ACACB: variants seen among roughly 807,000 people sequenced by gnomAD.
ACACB encodes the protein acetyl-CoA carboxylase 2.
Under a neutral mutation model 278.8 loss-of-function variants are expected in ACACB, and 209 were observed. The observed-to-expected ratio is 0.75, with a 90% CI of 0.67 to 0.84. ACACB has a LOEUF of 0.84. Ranked by LOEUF, ACACB falls within the 40% of genes least tolerant of loss-of-function variation. The pLI is 0.00. For synonymous variants in ACACB, 1,174 were observed against 1,285.6 expected (o/e 0.91, Z 1.86); for missense variants, 2,850 against 3,269.0 (o/e 0.87, Z 3.13).
chr12:109,262,275 C>T (rs554044953), intron 48 of ACACB, 82 bp from the exon 49 acceptor site: 22 of 1,123,516 alleles, frequency 2.0e-5, no homozygotes, highest in Non-Finnish European at 2.8e-5. Context: ...GCTCTCTTCC[C>T]TCCAGCTCCC....
chr12:109,170,841 T>C (rs148418567), intron 4 of ACACB, among the ~76,000 whole-genome samples: 81 of 152,032 alleles, frequency 5.3e-4, no homozygotes, highest in Admixed American at 9.8e-4. Context: ...TTTTTGTTTG[T>C]TTGTTTGTTT....
rs781428706 is a variant in ACACB at position 109,216,863 on chromosome 12, C to G, written c.3507C>G (p.Asp1169Glu). The G allele has an allele frequency of 6.2e-7, 1 of 1,614,008 alleles. No homozygotes were observed. Among genetic ancestry groups the G allele is most frequent in the African/African-American group, 1.3e-5 (1 of 74,926 alleles). The change falls in exon 24 of 53, where the codon GAC (aspartate) becomes GAG (glutamate). Residue 1169 changes from aspartate (D) to glutamate (E), a missense_variant. By Grantham distance (45) the Asp-to-Glu change is conservative (BLOSUM62 2). Transcript: ENST00000338432. ...QFKPDMSQVL[D>E]CIFSHAQVAK... is the part of the protein sequence containing the mutation. ...AGCCAGACATGTCCCAGGTGCTGGA[C>G]TGCATCTTCTCCCACGCACAGGTGG...
rs2044888427 is a variant in ACACB, at chr12:109,191,666, C to T, written c.2198C>T (p.Thr733Ile). 6.2e-7 allele frequency: 1 copy of T among 1,614,170 alleles called. No individual in the cohort carries two copies. Among genetic ancestry groups the T allele is most frequent in the East Asian group, 2.2e-5 (1 of 44,892 alleles). Reference sequence around the variant, plus strand: ...TCCATCCGAGGCGACTTTAGGACTACCGTGGAATACCTCATTAACCTCCTG... The same window carrying T: ...TCCATCCGAGGCGACTTTAGGACTATCGTGGAATACCTCATTAACCTCCTG... ...ELSIRGDFRT[T>I]VEYLINLLET... Residue 733 changes from threonine to isoleucine, a missense_variant, in exon 14 of 53, where the codon ACC becomes ATC. Thr to Ile is a moderately conservative substitution (Grantham distance 89). This residue lies in a region of ACACB where 2,265 missense variants were observed against 2,561.3 expected (regional missense o/e 0.88). Transcript: ENST00000338432.
intron 7 of ACACB, 51 bp from the exon 8 acceptor site, chr12:109,175,880 G>A: frequency 2.6e-6 from 4 of 1,534,354 alleles, no homozygotes; most frequent in Admixed American, 1.7e-5. Flanking sequence ...TCTGGGTTGT[G>A]TGTGTTTCTC....
intron 24 of ACACB, among the ~76,000 whole-genome samples, chr12:109,220,116 G>A (rs1475398427): frequency 6.6e-6 from 1 of 152,158 alleles, no homozygotes; most frequent in African/African-American, 2.4e-5. Flanking sequence ...GAAATATCAT[G>A]TACACCAGAG....
intron 1 of ACACB, among the ~76,000 whole-genome samples, chr12:109,127,963 G>A (rs1034671709): frequency 3.3e-5 from 5 of 152,128 alleles, no homozygotes; most frequent in African/African-American, 1.2e-4. Flanking sequence ...TAGGAACTTT[G>A]GCAGAGTCCC....
rs116147843 is a variant in ACACB at position 109,212,668 on chromosome 12, T to C, written c.3250-168T>C. Among the ~76,000 whole-genome samples, 422 of 152,298 alleles carry C rather than the reference T, an allele frequency of 2.8e-3. 3 individuals are homozygous for C. The highest frequency in any genetic ancestry group is 9.7e-3 in the African/African-American group (403 of 41,548). ...AATGGGGAGGGGCTGTAAATACAGA[T>C]GAAGCTTCGCTCCCTCACCCACTGC... On this transcript the variant is annotated intron_variant, in intron 21 of 52. Transcript: ENST00000338432.
At chr12:109,114,856 T>TAAAAC (rs894721682), upstream of ACACB, among the ~76,000 whole-genome samples, 36 of 152,142 alleles carry the variant, frequency 2.4e-4, no homozygotes, top group African/African-American at 8.0e-4. Context: ...ATCCTATTTC[T>TAAAAC]AAAACAAAAC....
Position 109,191,697 on chromosome 12 carries a change from C to G in ACACB, c.2229C>G (p.Thr743=). Residue 743 remains threonine (T), a synonymous_variant, in exon 14 of 53, where the codon ACC becomes ACG. Coordinates refer to ENST00000338432, the MANE Select transcript of ACACB (RefSeq NM_001093.4). Reference sequence around the variant, plus strand: ...AATACCTCATTAACCTCCTGGAGACCGAGAGCTTCCAGAACAACGACATCG... The same window carrying G: ...AATACCTCATTAACCTCCTGGAGACGGAGAGCTTCCAGAACAACGACATCG... ...TVEYLINLLE[T]ESFQNNDIDT... is the part of the protein sequence containing the mutation. The G allele has an allele frequency of 5.0e-6, 8 of 1,614,192 alleles. No individual in the cohort carries two copies. The highest frequency in any genetic ancestry group is 6.8e-6 in the Non-Finnish European group (8 of 1,180,036).
intron 13 of ACACB, among the ~76,000 whole-genome samples, 169 bp downstream of exon 13, chr12:109,188,331 C>T (rs185906137): frequency 5.9e-4 from 87 of 148,704 alleles, no homozygotes; most frequent in Non-Finnish European, 1.2e-3. Context: ...TCCTTCCCTT[C>T]CATTGCCTTC....
chr12:109,237,243 G>C lies in ACACB; in HGVS notation c.4525G>C (p.Asp1509His). 6.2e-7 allele frequency: 1 copy of C among 1,614,170 alleles called. No individual in the cohort carries two copies. Among genetic ancestry groups the C allele is most frequent in the Non-Finnish European group, 8.5e-7 (1 of 1,180,026 alleles). ...GGAACTTAACCGGATGCGTAACTTC[G>C]ATCTGACCGCCGTGCCCTGTGCCAA... Reference protein sequence around the residue: ...QLELNRMRNFDLTAVPCANHK... With the variant: ...QLELNRMRNFHLTAVPCANHK... The change falls in exon 34 of 53, where the codon GAT becomes CAT. Residue 1509 changes from aspartate (D) to histidine (H), a missense_variant. Transcript: ENST00000338432.
intron 1 of ACACB, among the ~76,000 whole-genome samples, chr12:109,136,866 C>A (rs915547308): frequency 6.6e-6 from 1 of 152,174 alleles, no homozygotes; most frequent in Admixed American, 6.5e-5. Context: ...ATTGGTTTGT[C>A]TAGAACTTCC....
chr12:109,197,565 G>A (rs61934315), intron 17 of ACACB, among the ~76,000 whole-genome samples: 2 of 152,172 alleles, frequency 1.3e-5, no homozygotes, highest in Non-Finnish European at 2.9e-5. Flanking sequence ...GGTGTGACTC[G>A]TGGAGCTTCC....
Position 109,131,872 on chromosome 12 carries a change from G to A in ACACB, c.-9-7525G>A, listed in dbSNP as rs942845398. On this transcript the variant is annotated intron_variant, in intron 1 of 52. Coordinates refer to ENST00000338432, the MANE Select transcript of ACACB (RefSeq NM_001093.4). The stretch of plus-strand genomic sequence containing the variant: ...TTCCCTGCTCATGGAATCAAACTGC[G>A]TGATCGGTGCTCATTCTTGACCACG... Among the ~76,000 whole-genome samples, 10 of 152,262 alleles carry A rather than the reference G, an allele frequency of 6.6e-5. No individual in the cohort carries two copies. In the South Asian group the frequency reaches 8.3e-4, roughly 13 times the overall value.
intron 10 of ACACB, 136 bp from the exon 11 acceptor site, chr12:109,179,781 A>T: frequency 9.8e-7 from 1 of 1,023,144 alleles, no homozygotes; most frequent in Non-Finnish European, 1.4e-6. Context: ...ATGAGCCACC[A>T]CACCTGGCCA....
intron 9 of ACACB, 31 bp from the exon 10 acceptor site, chr12:109,179,057 G>A: frequency 1.9e-6 from 3 of 1,598,938 alleles, no homozygotes; most frequent in Non-Finnish European, 2.6e-6. Flanking sequence ...GTTTCCCCAT[G>A]AAGATCAGGC....
chr12:109,112,334 T>C (rs983182881), upstream of ACACB, among the ~76,000 whole-genome samples: 2 of 151,084 alleles, frequency 1.3e-5, no homozygotes, highest in Non-Finnish European at 2.9e-5. Context: ...AGTCATGTGG[T>C]GACACTTTAA....
intron 2 of ACACB, chr12:109,154,895 T>G (rs1481473538): frequency 1.3e-5 from 2 of 152,742 alleles, no homozygotes; most frequent in South Asian, 2.1e-4. Flanking sequence ...GTGGTCAACA[T>G]GAGTCCTGCC....
At chr12:109,140,692 C>T (rs991369425) in intron 2 of ACACB, among the ~76,000 whole-genome samples, 5 of 152,048 alleles carry the variant, frequency 3.3e-5, no homozygotes, top group African/African-American at 1.2e-4. Flanking sequence ...ATTCCTTGTG[C>T]ATCTACTGCA....
Sources: gnomAD v4.1 joint callset for allele counts (sites outside exome capture counted in the v4.1 genomes callset) on GRCh38, gnomAD v4.1.1 for gene constraint, gnomAD v4.1.1 regional missense constraint, MANE v1.5 for transcripts, NCBI Gene and HGNC (gene_info 2026-07-23, HGNC 2026-07-21) for gene names.